CCDC138: variants seen among roughly 807,000 people sequenced by gnomAD.
CCDC138 encodes coiled-coil domain-containing protein 138.
Under a neutral mutation model 82.3 loss-of-function variants are expected in CCDC138, and 66 were observed. The ratio of observed to expected loss-of-function variants is 0.80; its 90% CI spans 0.66 to 0.98. The LOEUF is 0.98. Ranked by LOEUF, CCDC138 falls within the 50% of genes least tolerant of loss-of-function variation. The probability of loss-of-function intolerance (pLI) is 0.00; values close to 1 mark genes in which losing one functional copy is unlikely to be tolerated. For missense variants in CCDC138, 816 were observed against 758.9 expected (o/e 1.08, Z -0.88); for synonymous variants, 297 against 265.4 (o/e 1.12, Z -1.16).
chr2:108,868,985 A>G lies in CCDC138; in HGVS notation c.1694-4466A>G, dbSNP rs540047367. 1.2e-4 allele frequency among the ~76,000 whole-genome samples: 19 copies of G among 152,272 alleles called. No individual in the cohort carries two copies. In the South Asian group the frequency reaches 2.9e-3, roughly 23 times the overall value. The stretch of plus-strand genomic sequence containing the variant: ...GTTCCCAGCTGAATTAACACAGACT[A>G]TACTTCATACTTGGAGTGGGTTTTA... On this transcript the variant is annotated intron_variant, in intron 13 of 14. Transcript: ENST00000295124.
chr2:108,800,626 T>A (rs1325656337), intron 6 of CCDC138, among the ~76,000 whole-genome samples: 1 of 141,058 alleles, frequency 7.1e-6, no homozygotes, highest in Non-Finnish European at 1.5e-5. Flanking sequence ...TTTTTTTTTT[T>A]TTTTTTTTTT....
At chr2:108,833,634 A>G (rs1439517176) in intron 10 of CCDC138, among the ~76,000 whole-genome samples, 2 of 152,212 alleles carry the variant, frequency 1.3e-5, no homozygotes, top group East Asian at 1.9e-4. Context: ...CCAAAAAGCA[A>G]AGTGAAAGAT....
At chr2:108,812,511 GTC>G (rs1684043754) in intron 7 of CCDC138, 118 bp from the exon 8 acceptor site, 1 of 705,032 alleles carries the variant, frequency 1.4e-6, no homozygotes, top group Admixed American at 2.6e-5. Context: ...CATGAATGCT[GTC>G]TCTGTTTTGT....
rs960782972 is a variant in CCDC138, at chr2:108,816,164, G to T, written c.1206+59G>T. 3 of 1,320,548 alleles carry T rather than the reference G, an allele frequency of 2.3e-6. No individual in the cohort carries two copies. The African/African-American group carries it at 4.4e-5, about 20-fold the overall frequency. The allele number at this position is 1,320,548 out of a possible 1,614,324, so 81.8% of individuals were successfully genotyped here. A position where few individuals can be genotyped will look rare whatever the true frequency, so the allele number is the denominator to read the frequency against. ...ATATATGAAGATTAAAAAAGGAAAA[G>T]CCAGGGCCAGGCACAGTGGCTCACG... On this transcript the variant is annotated intron_variant, in intron 10 of 14. Transcript: ENST00000295124.
intron 4 of CCDC138, 121 bp from the exon 5 acceptor site, chr2:108,794,419 C>T (rs921419903): frequency 1.1e-6 from 1 of 934,024 alleles, no homozygotes; most frequent in African/African-American, 1.7e-5. Context: ...TTCTTTGTCT[C>T]TCTTGAAACT....
At chr2:108,854,027 T>C (rs1466592548) in intron 12 of CCDC138, among the ~76,000 whole-genome samples, 1 of 108,644 alleles carries the variant, frequency 9.2e-6, no homozygotes, top group African/African-American at 3.7e-5. Flanking sequence ...AATAAATTTA[T>C]ATTATATATA....
chr2:108,815,635 T>C (rs1684654264), intron 9 of CCDC138, among the ~76,000 whole-genome samples: 1 of 151,810 alleles, frequency 6.6e-6, no homozygotes, highest in African/African-American at 2.4e-5. Flanking sequence ...CCAGCTAATT[T>C]TATTTTTAGT....
At chr2:108,804,634 GACTCATTGCTACTTTGT>G (rs1682531210) in intron 6 of CCDC138, among the ~76,000 whole-genome samples, 1 of 152,134 alleles carries the variant, frequency 6.6e-6, no homozygotes, top group Non-Finnish European at 1.5e-5. Flanking sequence ...GCAGAAAATA[GACTCATTGCTACTTTGT>G]AAATGCTAAT....
At position 108,786,798 on chromosome 2, in the gene CCDC138, G is replaced by C. The variant is rs367928075; in HGVS notation, c.-25G>C. ...GGGTTTGATGAACGCGGTTCCCGGGGAGACTGGTACGGTTGCTGTGTGCTA... is the reference window on the plus strand; with the variant it reads ...GGGTTTGATGAACGCGGTTCCCGGGCAGACTGGTACGGTTGCTGTGTGCTA... On this transcript the variant is annotated 5_prime_UTR_variant, in exon 1 of 15. Transcript: ENST00000295124. 1.3e-6 allele frequency: 2 copies of C among 1,570,524 alleles called. No individual in the cohort carries two copies. The highest frequency in any genetic ancestry group is 2.3e-5 in the East Asian group (1 of 43,276).
At chr2:108,854,002 TTATATATAATATATAATAAATTTATATTA>T (rs1228018249) in intron 12 of CCDC138, among the ~76,000 whole-genome samples, 10 of 10,678 alleles carry the variant, frequency 9.4e-4, no homozygotes, top group East Asian at 0.011. Flanking sequence ...TAAATTTATA[TTATATATAATATATAATAAATTTATATTA>T]TATATAATAT....
At chr2:108,875,336 A>G (rs1212431073) in intron 14 of CCDC138, among the ~76,000 whole-genome samples, 1 of 124,604 alleles carries the variant, frequency 8.0e-6, no homozygotes, top group Non-Finnish European at 1.6e-5. Context: ...AAAAAAAAAA[A>G]GAAACAAATT....
intron 5 of CCDC138, 55 bp downstream of exon 5, chr2:108,794,776 A>C (rs1680576654): frequency 7.5e-7 from 1 of 1,337,914 alleles, no homozygotes; most frequent in Admixed American, 2.4e-5. Context: ...CTAAGAACCA[A>C]GCATTTACGA....
chr2:108,819,086 T>A (rs756889165), intron 10 of CCDC138, among the ~76,000 whole-genome samples: 11 of 152,180 alleles, frequency 7.2e-5, no homozygotes, highest in Admixed American at 2.6e-4. Context: ...GTCATCAACA[T>A]GTTGGAGTAG....
chr2:108,794,871 G>A (rs1680598629), intron 5 of CCDC138, 150 bp downstream of exon 5: 3 of 624,670 alleles, frequency 4.8e-6, no homozygotes, highest in East Asian at 2.9e-5. Flanking sequence ...CAAATTATAG[G>A]GACTAATGAA....
intron 11 of CCDC138, among the ~76,000 whole-genome samples, chr2:108,845,408 A>T (rs1410246214): frequency 6.6e-6 from 1 of 152,118 alleles, no homozygotes; most frequent in Non-Finnish European, 1.5e-5. Flanking sequence ...TGAGTTAGGA[A>T]CCAGTTGGTC....
chr2:108,884,886 T>A (rs1696385192), intron 2 of CCDC138: 1 of 151,266 alleles, frequency 6.6e-6, no homozygotes, highest in South Asian at 2.1e-4. Flanking sequence ...TTGAAACACC[T>A]CTGCTCTGTG....
chr2:108,858,239 G>A (rs1692954173), intron 13 of CCDC138, among the ~76,000 whole-genome samples: 1 of 152,162 alleles, frequency 6.6e-6, no homozygotes, highest in Admixed American at 6.5e-5. Context: ...AGCTACTCAG[G>A]ACGCTGAGGC....
At position 108,788,861 on chromosome 2, in the gene CCDC138, A is replaced by T. The variant is rs754478994; in HGVS notation, c.161A>T (p.Asp54Val). The T allele has an allele frequency of 7.6e-5, 123 of 1,613,964 alleles. 1 individual carries two copies. Among genetic ancestry groups the T allele is most frequent in the Admixed American group, 2.2e-4 (13 of 59,994 alleles). The change falls in exon 3 of 15, where the codon GAT (aspartate) becomes GTT (valine). Residue 54 changes from aspartate to valine, a missense_variant. Coordinates refer to ENST00000295124, the MANE Select transcript of CCDC138 (RefSeq NM_144978.3). ...TCTTTGTCGTTGACAGGTGATTTGG[A>T]TATCTACTCTGGAGATAAAGTTGGT... ...RRTLTSPGDL[D>V]IYSGDKVGSS...
intron 6 of CCDC138, among the ~76,000 whole-genome samples, chr2:108,799,172 A>G (rs532151621): frequency 6.6e-6 from 1 of 152,290 alleles, no homozygotes; most frequent in East Asian, 1.9e-4. Context: ...TGAAGAATTC[A>G]GGCCAGCATT....
Sources: allele counts gnomAD v4.1 joint callset (sites outside exome capture counted in the v4.1 genomes callset), GRCh38; gene constraint gnomAD v4.1.1; transcripts MANE v1.5; gene names NCBI Gene and HGNC (gene_info 2026-07-23, HGNC 2026-07-21).